SHISA6: variants seen among roughly 807,000 people sequenced by gnomAD.
The protein encoded by SHISA6 is shisa family member 6.
A neutral mutation model predicts 47.9 loss-of-function variants in SHISA6; 22 were observed. The observed-to-expected ratio is 0.46, with a 90% CI of 0.33 to 0.66. The LOEUF is 0.66. SHISA6 is among the 30% of genes least tolerant of loss of function. The probability of loss-of-function intolerance (pLI) is 0.02; values close to 1 mark genes in which losing one functional copy is unlikely to be tolerated. For missense variants in SHISA6, 680 were observed against 764.6 expected (o/e 0.89, Z 1.30); for synonymous variants, 388 against 337.8 (o/e 1.15, Z -1.63).
At chr17:11,503,361 T>G (rs1249854694) in intron 3 of SHISA6, among the ~76,000 whole-genome samples, 2 of 152,010 alleles carry the variant, frequency 1.3e-5, no homozygotes, top group African/African-American at 2.4e-5. Context: ...CTTCGGTCAT[T>G]TGCAATCTCT....
At chr17:11,415,529 T>C (rs999529724) in intron 3 of SHISA6, among the ~76,000 whole-genome samples, 6 of 152,184 alleles carry the variant, frequency 3.9e-5, no homozygotes, top group Admixed American at 3.3e-4. Flanking sequence ...GAATTTACAA[T>C]TACTCACCAG....
chr17:11,399,532 C>T (rs1913692879), intron 3 of SHISA6, among the ~76,000 whole-genome samples: 1 of 152,188 alleles, frequency 6.6e-6, no homozygotes, highest in Non-Finnish European at 1.5e-5. Context: ...AACGATTCTC[C>T]TGCCTCGGCC....
At chr17:11,379,662 T>C in intron 3 of SHISA6, 153 bp downstream of exon 3, 1 of 535,026 alleles carries the variant, frequency 1.9e-6, no homozygotes, top group South Asian at 2.2e-5. Context: ...GCGTGGCTTC[T>C]GACAGGAGTT....
chr17:11,269,180 T>C (rs1908547788), intron 2 of SHISA6, among the ~76,000 whole-genome samples: 1 of 152,114 alleles, frequency 6.6e-6, no homozygotes. Flanking sequence ...TAGCTGGGAC[T>C]ACAGGAGCCC....
rs555122199 is a variant in SHISA6, at chr17:11,534,031, G to A, written c.896-17865G>A. Reference sequence around the variant, plus strand: ...TCACTCTTGTTGCCCTGGCTGGAGTGCAATGGTGCAATCTCAGCTCACCAC... The same window carrying A: ...TCACTCTTGTTGCCCTGGCTGGAGTACAATGGTGCAATCTCAGCTCACCAC... On this transcript the variant is annotated intron_variant, in intron 3 of 5. Coordinates refer to ENST00000441885, the MANE Select transcript of SHISA6 (RefSeq NM_207386.4). 3.3e-5 allele frequency among the ~76,000 whole-genome samples: 5 copies of A among 151,760 alleles called. No homozygotes were observed. The South Asian group carries it at 1.0e-3, about 32-fold the overall frequency.
intron 2 of SHISA6, among the ~76,000 whole-genome samples, chr17:11,345,421 T>C (rs1911670635): frequency 3.3e-5 from 5 of 152,292 alleles, no homozygotes; most frequent in Admixed American, 6.5e-5. Context: ...GTATTAGTCT[T>C]GTAACTTTAT....
Position 11,461,328 on chromosome 17 carries a change from C to A in SHISA6, c.895+81819C>A, listed in dbSNP as rs548453478. Among the ~76,000 whole-genome samples, 4 of 142,160 alleles carry A rather than the reference C, an allele frequency of 2.8e-5. No individual in the cohort carries two copies. In the East Asian group the frequency reaches 8.7e-4, roughly 31 times the overall value. The allele number at this position is 142,160 out of a possible 152,430, so 93.3% of individuals were successfully genotyped here. ...AGAAGAATGGTGTGAACCTGGGAGG[C>A]GAAGCTTGCAGTGAGCTGAGATCGT... On this transcript the variant is annotated intron_variant, in intron 3 of 5. Coordinates refer to ENST00000441885, the MANE Select transcript of SHISA6 (RefSeq NM_207386.4).
At chr17:11,543,689 G>A (rs1183362272) in intron 3 of SHISA6, among the ~76,000 whole-genome samples, 4 of 151,956 alleles carry the variant, frequency 2.6e-5, no homozygotes, top group Admixed American at 2.6e-4. Flanking sequence ...AGGAGGATAA[G>A]TCTACTCAAT....
chr17:11,318,197 A>G (rs1910588571), intron 2 of SHISA6, among the ~76,000 whole-genome samples: 1 of 152,190 alleles, frequency 6.6e-6, no homozygotes, highest in Non-Finnish European at 1.5e-5. Context: ...TCTGAACTTC[A>G]ACACTTTGAA....
At chr17:11,283,212 T>G (rs183813484) in intron 2 of SHISA6, among the ~76,000 whole-genome samples, 1 of 152,348 alleles carries the variant, frequency 6.6e-6, no homozygotes, top group East Asian at 1.9e-4. Flanking sequence ...TATATAGCAC[T>G]CTTTGAAAGC....
chr17:11,513,115 T>G (rs531739011), intron 3 of SHISA6, among the ~76,000 whole-genome samples: 7 of 152,052 alleles, frequency 4.6e-5, no homozygotes, highest in African/African-American at 9.6e-5. Flanking sequence ...CCAAGAAGCA[T>G]GTGCTATTTT....
chr17:11,428,614 G>A (rs1023528820), intron 3 of SHISA6, among the ~76,000 whole-genome samples: 47 of 152,220 alleles, frequency 3.1e-4, no homozygotes, highest in African/African-American at 1.1e-3. Flanking sequence ...TCAAAACTTG[G>A]TGGCTTAAAG....
chr17:11,417,347 C>T (rs751352927), intron 3 of SHISA6, among the ~76,000 whole-genome samples: 2 of 152,116 alleles, frequency 1.3e-5, no homozygotes, highest in African/African-American at 2.4e-5. Flanking sequence ...GTAAATGGAT[C>T]CATTACTGGG....
At chr17:11,277,494 C>A (rs35272377) in intron 2 of SHISA6, among the ~76,000 whole-genome samples, 2,036 of 152,194 alleles carry the variant, frequency 0.013, 15 homozygotes, top group Non-Finnish European at 0.022. Flanking sequence ...GTGCATTTTG[C>A]ACAGATCTTG....
intron 3 of SHISA6, among the ~76,000 whole-genome samples, chr17:11,518,818 G>A (rs554275880): frequency 6.6e-6 from 1 of 152,280 alleles, no homozygotes; most frequent in East Asian, 1.9e-4. Flanking sequence ...ATTCCTTTAA[G>A]AGGATTATTT....
rs148133285 is a variant in SHISA6 at position 11,406,432 on chromosome 17, G to A, written c.895+26923G>A. On this transcript the variant is annotated intron_variant, in intron 3 of 5. Transcript: ENST00000441885. ...ACCAGAATATCCTAACTCACCCTGCGAAATGGCTGGTTCCCACTTGTCTTT... is the reference window on the plus strand; with the variant it reads ...ACCAGAATATCCTAACTCACCCTGCAAAATGGCTGGTTCCCACTTGTCTTT... Among the ~76,000 whole-genome samples the A allele has an allele frequency of 2.8e-3, 430 of 152,304 alleles. 3 individuals are homozygous for A. Among genetic ancestry groups the A allele is most frequent in the African/African-American group, 9.4e-3 (392 of 41,564 alleles).
At chr17:11,464,787 C>G (rs1915769971) in intron 3 of SHISA6, among the ~76,000 whole-genome samples, 1 of 152,072 alleles carries the variant, frequency 6.6e-6, no homozygotes, top group African/African-American at 2.4e-5. Context: ...TACTAAAATA[C>G]AAAAATTAGC....
intron 3 of SHISA6, among the ~76,000 whole-genome samples, chr17:11,382,921 T>C (rs958294780): frequency 1.4e-5 from 2 of 145,012 alleles, no homozygotes; most frequent in South Asian, 4.4e-4. Context: ...ACATCAGTCC[T>C]GTCAGCCTTT....
intron 2 of SHISA6, among the ~76,000 whole-genome samples, chr17:11,323,347 T>C (rs1157735477): frequency 1.3e-5 from 2 of 151,976 alleles, no homozygotes; most frequent in African/African-American, 4.8e-5. Context: ...CTCATAACAA[T>C]CAAATACATA....
Sources: allele counts gnomAD v4.1 joint callset (sites outside exome capture counted in the v4.1 genomes callset), GRCh38; gene constraint gnomAD v4.1.1; transcripts MANE v1.5; gene names NCBI Gene and HGNC (gene_info 2026-07-23, HGNC 2026-07-21).